Variants in BLM observed in about 807,000 individuals in gnomAD.
BLM encodes recQ-like DNA helicase BLM.
In BLM, 95 loss-of-function variants were observed where a neutral mutation model predicts 135.3. That is an observed-to-expected ratio of 0.70 (90% CI 0.59 to 0.83). BLM has a LOEUF of 0.83. BLM is among the 40% of genes least tolerant of loss of function. BLM has a pLI of 0.00. For missense variants in BLM, 1,518 were observed against 1,663.9 expected, an observed-to-expected ratio of 0.91 and a Z score of 1.53; for synonymous variants, 520 against 589.2, an observed-to-expected ratio of 0.88 and a Z score of 1.70.
chr15:90,726,153 A>G (rs781642575), intron 1 of BLM, among the ~76,000 whole-genome samples: 1 of 152,180 alleles, frequency 6.6e-6, no homozygotes, highest in East Asian at 1.9e-4. Flanking sequence ...GGAGCATTCA[A>G]TATCCTCCTT....
intron 19 of BLM, among the ~76,000 whole-genome samples, chr15:90,805,092 T>G (rs897106052): frequency 1.1e-4 from 16 of 151,982 alleles, no homozygotes; most frequent in Non-Finnish European, 2.4e-4. Flanking sequence ...CACCTCGGCC[T>G]CCCAAAGTGC....
intron 3 of BLM, among the ~76,000 whole-genome samples, chr15:90,750,660 CTTA>C (rs1895657510): frequency 6.6e-6 from 1 of 152,170 alleles, no homozygotes; most frequent in African/African-American, 2.4e-5. Flanking sequence ...TTTTTATCAT[CTTA>C]TATCTTTACA....
Position 90,760,841 on chromosome 15 carries a change from C to A in BLM, c.1468C>A (p.Pro490Thr), listed in dbSNP as rs1567041087. The A allele has an allele frequency of 6.2e-7, 1 of 1,613,994 alleles. No individual in the cohort carries two copies. The highest frequency in any genetic ancestry group is 8.5e-7 in the Non-Finnish European group (1 of 1,180,004). Residue 490 changes from proline to threonine, a missense_variant, in exon 7 of 22, where the codon CCT (proline) becomes ACT (threonine). Around this residue, in one of 5 missense-constraint regions of BLM, gnomAD observed 724 missense variants for 756.9 expected, o/e 0.96. Transcript: ENST00000355112. The part of the protein sequence containing the change: ...SATRKNLFER[P>T]LFNTHLQKSF... ...CACCAGGAAGAATCTTTTTGAAAGGCCTTTATTCAATACCCATTTACAGAA... is the reference window on the plus strand; with the variant it reads ...CACCAGGAAGAATCTTTTTGAAAGGACTTTATTCAATACCCATTTACAGAA...
At chr15:90,748,734 A>G (rs1478655868) in intron 2 of BLM, among the ~76,000 whole-genome samples, 1 of 150,900 alleles carries the variant, frequency 6.6e-6, no homozygotes. Flanking sequence ...AAAAGTAGCC[A>G]TATTTGAATC....
At chr15:90,764,784 T>C (rs1896078182) in intron 8 of BLM, among the ~76,000 whole-genome samples, 1 of 152,204 alleles carries the variant, frequency 6.6e-6, no homozygotes, top group African/African-American at 2.4e-5. Context: ...TATATATGTC[T>C]ATATAAGATG....
chr15:90,762,748 G>A (rs970200849), intron 7 of BLM, among the ~76,000 whole-genome samples: 4 of 152,070 alleles, frequency 2.6e-5, no homozygotes, highest in African/African-American at 9.7e-5. Flanking sequence ...AAAAGTAGTG[G>A]TAGGTGCTGT....
rs114144268 is a variant in BLM, at chr15:90,729,994, C to T, written c.-5+12554C>T. Among the ~76,000 whole-genome samples the T allele has an allele frequency of 4.8e-3, 730 of 152,078 alleles. 6 individuals carry two copies. Among genetic ancestry groups the T allele is most frequent in the African/African-American group, 0.017 (703 of 41,496 alleles). On this transcript the variant is annotated intron_variant, in intron 1 of 21. Transcript: ENST00000355112. ...CCAAGTAGCTGGGATTACAGGTACG[C>T]GCCACCATGACCACCTAATTTTTTT...
intron 1 of BLM, among the ~76,000 whole-genome samples, chr15:90,726,360 C>T (rs745477355): frequency 6.6e-6 from 1 of 152,158 alleles, no homozygotes; most frequent in Non-Finnish European, 1.5e-5. Context: ...CCTCTGCCTC[C>T]TGGGTTCAAG....
chr15:90,804,420 C>A, intron 19 of BLM, 61 bp downstream of exon 19: 1 of 1,486,544 alleles, frequency 6.7e-7, no homozygotes, highest in Admixed American at 1.7e-5. Flanking sequence ...GTTAATCTTG[C>A]TAGGGAACTC....
intron 1 of BLM, among the ~76,000 whole-genome samples, chr15:90,740,097 T>C (rs1895326109): frequency 6.6e-6 from 1 of 152,142 alleles, no homozygotes; most frequent in African/African-American, 2.4e-5. Flanking sequence ...ACATTACACA[T>C]ATAAAATTCA....
chr15:90,789,987 G>GTTTTTTTTTTGTT (rs1896857678), intron 14 of BLM, among the ~76,000 whole-genome samples: 1 of 57,378 alleles, frequency 1.7e-5, no homozygotes, highest in African/African-American at 5.3e-5. Context: ...AGTCCCTGGT[G>GTTTTTTTTTTGTT]TTTTTTTTTT....
intron 17 of BLM, 67 bp downstream of exon 17, chr15:90,798,404 A>T: frequency 4.0e-6 from 6 of 1,505,074 alleles, no homozygotes; most frequent in African/African-American, 1.4e-5. Context: ...AATTTATTAC[A>T]AGTACATAGA....
At chr15:90,718,470 G>A (rs533506769) in intron 1 of BLM, among the ~76,000 whole-genome samples, 1 of 152,332 alleles carries the variant, frequency 6.6e-6, no homozygotes, top group South Asian at 2.1e-4. Context: ...TAACACTGGT[G>A]TGTCACTGTC....
At position 90,734,674 on chromosome 15, in the gene BLM, C is replaced by T. The variant is rs976034164; in HGVS notation, c.-4-12715C>T. ...ACATACACACACACGCGCGCACGCA[C>T]GCACACACACACACACACACGCAGA... On this transcript the variant is annotated intron_variant, in intron 1 of 21. Coordinates refer to ENST00000355112, the MANE Select transcript of BLM (RefSeq NM_000057.4). Among the ~76,000 whole-genome samples the T allele has an allele frequency of 8.5e-5, 11 of 130,112 alleles. No homozygotes were observed. In the South Asian group the frequency reaches 1.2e-3, roughly 14 times the overall value. 85.4% of individuals were successfully genotyped at this position (130,112 alleles called of 152,430 possible). A position where few individuals can be genotyped will look rare whatever the true frequency, so the allele number is the denominator to read the frequency against.
chr15:90,753,491 A>G (rs1895741004), intron 4 of BLM, among the ~76,000 whole-genome samples: 1 of 152,218 alleles, frequency 6.6e-6, no homozygotes, highest in South Asian at 2.1e-4. Context: ...TCATAAATAA[A>G]TTTACCTAGA....
At chr15:90,738,499 G>A (rs182964672) in intron 1 of BLM, among the ~76,000 whole-genome samples, 4 of 152,130 alleles carry the variant, frequency 2.6e-5, no homozygotes, top group Admixed American at 1.3e-4. Context: ...ACTTGAGCCC[G>A]GGAGGTCGAG....
chr15:90,749,902 T>G lies in BLM; in HGVS notation c.634T>G (p.Ser212Ala). ...AGTAAAGACTGATTTGCCTCCACCC[T>G]CCTCTGAAAGCGAGCAAATAGATTT... ...NTVKTDLPPP[S>A]SESEQIDLTE... Residue 212 changes from serine to alanine, a missense_variant, in exon 3 of 22, where the codon TCC becomes GCC. Ser to Ala is a moderately conservative substitution (Grantham distance 99). Transcript: ENST00000355112. 1 of 1,612,692 alleles carries G rather than the reference T, an allele frequency of 6.2e-7. No homozygotes were observed. Among genetic ancestry groups the G allele is most frequent in the Non-Finnish European group, 8.5e-7 (1 of 1,178,776 alleles).
intron 12 of BLM, among the ~76,000 whole-genome samples, chr15:90,770,550 T>C (rs937620343): frequency 3.3e-5 from 5 of 152,228 alleles, no homozygotes; most frequent in African/African-American, 1.2e-4. Context: ...TATGGATTCT[T>C]TGGTAGGTTT....
At chr15:90,746,356 C>G (rs1895502260) in intron 1 of BLM, among the ~76,000 whole-genome samples, 1 of 152,022 alleles carries the variant, frequency 6.6e-6, no homozygotes, top group African/African-American at 2.4e-5. Context: ...AAATAACTAG[C>G]TATATTACCT....
Sources: gnomAD v4.1 joint callset for allele counts (sites outside exome capture counted in the v4.1 genomes callset) on GRCh38, gnomAD v4.1.1 for gene constraint, gnomAD v4.1.1 regional missense constraint, MANE v1.5 for transcripts, NCBI Gene and HGNC (gene_info 2026-07-23, HGNC 2026-07-21) for gene names.